IKBIP: variants seen among roughly 807,000 people sequenced by gnomAD.
IKBIP encodes the protein IKBKB interacting protein.
IKBIP carries 28 observed loss-of-function variants against 31.0 expected under a neutral mutation model. The ratio of observed to expected loss-of-function variants is 0.90; its 90% CI spans 0.67 to 1.24. IKBIP has a LOEUF of 1.24. Ranked by LOEUF, IKBIP falls within the 50% of genes most tolerant of loss-of-function variation. IKBIP has a pLI of 0.00. For synonymous variants in IKBIP, 164 were observed against 160.3 expected (o/e 1.02, Z -0.17); for missense variants, 453 against 441.9 (o/e 1.03, Z -0.23).
chr12:98,639,665 G>C (rs1370224591), intron 1 of IKBIP, among the ~76,000 whole-genome samples: 3 of 152,176 alleles, frequency 2.0e-5, no homozygotes, highest in Non-Finnish European at 4.4e-5. Context: ...CCTCTGAATA[G>C]CTCCTTTAGG....
chr12:98,625,378 TCA>T lies in IKBIP; in HGVS notation c.*550_*551del, dbSNP rs2097613309. The T allele has an allele frequency of 1.3e-6, 1 of 771,944 alleles. No homozygotes were observed. Among genetic ancestry groups the T allele is most frequent in the Non-Finnish European group, 1.6e-6 (1 of 635,396 alleles). 47.8% of individuals were successfully genotyped at this position (771,944 alleles called of 1,614,324 possible). ...CATAGCAAAGGCACCAGGCTCTCCC[TCA>T]GGCATGTTATCTTTTATTTTACACA... On this transcript the variant is annotated 3_prime_UTR_variant, in exon 3 of 3. Coordinates refer to ENST00000299157, the MANE Select transcript of IKBIP (RefSeq NM_153687.4).
chr12:98,621,524 G>A (rs1410377839), downstream of IKBIP, among the ~76,000 whole-genome samples: 4 of 152,126 alleles, frequency 2.6e-5, no homozygotes, highest in Non-Finnish European at 5.9e-5. Context: ...TTGAGTTATC[G>A]AGATAGTTCT....
intron 1 of IKBIP, among the ~76,000 whole-genome samples, chr12:98,638,392 C>T (rs2097627690): frequency 6.6e-6 from 1 of 151,840 alleles, no homozygotes. Flanking sequence ...ATCCATCCTA[C>T]CCCCTCAGCC....
intron 1 of IKBIP, among the ~76,000 whole-genome samples, chr12:98,640,150 A>G (rs574416438): frequency 1.1e-4 from 16 of 152,310 alleles, no homozygotes; most frequent in South Asian, 4.1e-4. Flanking sequence ...TATAAAGGCA[A>G]TTTAGGCCAG....
intron 2 of IKBIP, among the ~76,000 whole-genome samples, chr12:98,618,492 G>A (rs1027131615): frequency 6.6e-6 from 1 of 152,002 alleles, no homozygotes; most frequent in Non-Finnish European, 1.5e-5. Flanking sequence ...CGGGCGTAGT[G>A]GTGGGCGCCT....
At chr12:98,624,151 GGT>G (rs2097612195), downstream of IKBIP, 1 of 355,724 alleles carries the variant, frequency 2.8e-6, no homozygotes, top group African/African-American at 2.6e-5. Context: ...TATTAAATGT[GGT>G]GATCGGTGAG....
At chr12:98,629,309 G>A (rs1344590727) in intron 2 of IKBIP, among the ~76,000 whole-genome samples, 3 of 152,088 alleles carry the variant, frequency 2.0e-5, no homozygotes, top group Non-Finnish European at 2.9e-5. Context: ...GGGATGCCAA[G>A]GCAGAAGGAC....
downstream of IKBIP, among the ~76,000 whole-genome samples, chr12:98,623,217 A>G (rs2097611438): frequency 6.6e-6 from 1 of 150,966 alleles, no homozygotes; most frequent in African/African-American, 2.5e-5. Flanking sequence ...ACCTCAGGTG[A>G]TCCGCCCACC....
intron 2 of IKBIP, among the ~76,000 whole-genome samples, chr12:98,631,730 G>C (rs144807937): frequency 3.7e-4 from 53 of 143,350 alleles, no homozygotes; most frequent in African/African-American, 1.1e-3. Flanking sequence ...ACAAGATCGA[G>C]CCATTGTACT....
Position 98,625,798 on chromosome 12 carries a change from T to C in IKBIP, c.*132A>G. On this transcript the variant is annotated 3_prime_UTR_variant, in exon 3 of 3. Coordinates refer to ENST00000299157, the MANE Select transcript of IKBIP (RefSeq NM_153687.4). ...AGATAAGCTTTGATTATGTGGATAA[T>C]CCATTTGTGTGGACATCTCATTTAT... The C allele has an allele frequency of 1.6e-6, 1 of 642,266 alleles. No individual in the cohort carries two copies. Among genetic ancestry groups the C allele is most frequent in the Non-Finnish European group, 2.3e-6 (1 of 435,614 alleles). The allele number at this position is 642,266 out of a possible 1,614,324, so 39.8% of individuals were successfully genotyped here. A position where few individuals can be genotyped will look rare whatever the true frequency, so the allele number is the denominator to read the frequency against.
intron 1 of IKBIP, among the ~76,000 whole-genome samples, chr12:98,635,883 C>T (rs1398263870): frequency 6.6e-6 from 1 of 152,198 alleles, no homozygotes; most frequent in Non-Finnish European, 1.5e-5. Flanking sequence ...ATTGGTTATA[C>T]TCAGTGATGT....
chr12:98,620,934 TCTC>T (rs2097609696), downstream of IKBIP, among the ~76,000 whole-genome samples: 1 of 151,730 alleles, frequency 6.6e-6, no homozygotes, highest in African/African-American at 2.4e-5. Context: ...GATATAATTC[TCTC>T]CTTTTACTAT....
At chr12:98,628,563 G>C (rs73374727) in intron 2 of IKBIP, among the ~76,000 whole-genome samples, 3,257 of 152,260 alleles carry the variant, frequency 0.021, 118 homozygotes, top group African/African-American at 0.075. Flanking sequence ...CATAGCCCTA[G>C]CCCTGACAAC....
intron 2 of IKBIP, among the ~76,000 whole-genome samples, chr12:98,615,673 A>G (rs1323786344): frequency 6.6e-6 from 1 of 152,056 alleles, no homozygotes; most frequent in East Asian, 1.9e-4. Flanking sequence ...GTCCCCTCCA[A>G]TCCCTCGTAA....
In IKBIP at chr12:98,644,534, C is replaced by G. The variant is rs542626713; in HGVS notation, c.168G>C (p.Leu56=). ...CLSLLSLGTC[L]GLAWFVFQQS... ...TCGCGTCCACTTACCAGGCCAGGCC[C>G]AGGCACGTCCCCAGCGACAGCAGGC... Residue 56 remains leucine, a synonymous_variant, in exon 1 of 3, where the codon CTG becomes CTC. Coordinates refer to ENST00000299157, the MANE Select transcript of IKBIP (RefSeq NM_153687.4). 253 of 1,601,944 alleles carry G rather than the reference C, an allele frequency of 1.6e-4. No individual in the cohort carries two copies. Among genetic ancestry groups the G allele is most frequent in the Non-Finnish European group, 2.0e-4 (233 of 1,175,254 alleles).
At chr12:98,619,562 T>A (rs1273297231), downstream of IKBIP, among the ~76,000 whole-genome samples, 1 of 152,188 alleles carries the variant, frequency 6.6e-6, no homozygotes, top group Non-Finnish European at 1.5e-5. Context: ...CGGGTTTGGT[T>A]AACCTATTTG....
chr12:98,628,456 C>T (rs773970798), intron 2 of IKBIP, among the ~76,000 whole-genome samples: 1 of 152,210 alleles, frequency 6.6e-6, no homozygotes. Context: ...ATTCTCTAAC[C>T]TCTCCCTATG....
At chr12:98,628,806 C>T (rs1479300222) in intron 2 of IKBIP, among the ~76,000 whole-genome samples, 3 of 152,026 alleles carry the variant, frequency 2.0e-5, no homozygotes, top group African/African-American at 7.2e-5. Flanking sequence ...TGAGGTAGTT[C>T]CATTATCAGG....
chr12:98,637,317 ATATTT>A (rs2097626600), intron 1 of IKBIP, among the ~76,000 whole-genome samples: 1 of 152,202 alleles, frequency 6.6e-6, no homozygotes, highest in Middle Eastern at 3.2e-3. Flanking sequence ...GCGTTAAAAT[ATATTT>A]TATTTTTCCC....
Sources: allele counts gnomAD v4.1 joint callset (sites outside exome capture counted in the v4.1 genomes callset), GRCh38; gene constraint gnomAD v4.1.1; transcripts MANE v1.5; gene names NCBI Gene and HGNC (gene_info 2026-07-23, HGNC 2026-07-21).